Variants in VEPH1 observed in about 807,000 individuals in gnomAD.
VEPH1 encodes the protein ventricular zone-expressed PH domain-containing protein homolog 1.
VEPH1 carries 80 observed loss-of-function variants against 85.2 expected under a neutral mutation model. The observed-to-expected ratio is 0.94, with a 90% CI of 0.78 to 1.13. The LOEUF (loss-of-function observed/expected upper bound fraction) is 1.13. Ranked by LOEUF, VEPH1 falls within the 50% of genes most tolerant of loss-of-function variation. The pLI is 0.00. For synonymous variants in VEPH1, 297 were observed against 348.0 expected, an observed-to-expected ratio of 0.85 and a Z score of 1.63; for missense variants, 955 against 980.5, an observed-to-expected ratio of 0.97 and a Z score of 0.35.
chr3:157,291,511 A>G (rs984352565), intron 11 of VEPH1, among the ~76,000 whole-genome samples: 6 of 152,246 alleles, frequency 3.9e-5, no homozygotes, highest in Non-Finnish European at 5.9e-5. Context: ...CACAGTATTC[A>G]TAGCACCTGG....
At chr3:157,490,399 A>T (rs985322694) in intron 2 of VEPH1, among the ~76,000 whole-genome samples, 1 of 151,976 alleles carries the variant, frequency 6.6e-6, no homozygotes, top group Non-Finnish European at 1.5e-5. Flanking sequence ...TAAAAATAAG[A>T]TTTTAAGACT....
At chr3:157,434,028 C>T (rs1733366283) in intron 4 of VEPH1, among the ~76,000 whole-genome samples, 1 of 151,974 alleles carries the variant, frequency 6.6e-6, no homozygotes, top group Admixed American at 6.6e-5. Flanking sequence ...ATAATTCTGT[C>T]AACCTTTGGT....
chr3:157,295,452 AG>A (rs1480166724), intron 11 of VEPH1, among the ~76,000 whole-genome samples: 28 of 152,000 alleles, frequency 1.8e-4, no homozygotes, highest in African/African-American at 6.5e-4. Flanking sequence ...AAAAAAAAAA[AG>A]AATTATCATT....
chr3:157,342,108 C>A (rs1723635690), intron 9 of VEPH1, among the ~76,000 whole-genome samples: 1 of 152,206 alleles, frequency 6.6e-6, no homozygotes, highest in African/African-American at 2.4e-5. Flanking sequence ...TAGGAAGAAA[C>A]TGCATCAACT....
intron 4 of VEPH1, among the ~76,000 whole-genome samples, chr3:157,429,974 A>G (rs1438494871): frequency 1.3e-5 from 2 of 152,238 alleles, no homozygotes; most frequent in Non-Finnish European, 2.9e-5. Context: ...TTGAATTTCA[A>G]TCAAATAATA....
At chr3:157,420,363 A>T (rs868826918) in intron 5 of VEPH1, among the ~76,000 whole-genome samples, 1 of 152,166 alleles carries the variant, frequency 6.6e-6, no homozygotes, top group Non-Finnish European at 1.5e-5. Flanking sequence ...AAGAGCAATT[A>T]TGTACACACA....
chr3:157,366,918 T>A (rs1577460330), intron 7 of VEPH1, among the ~76,000 whole-genome samples: 1 of 152,050 alleles, frequency 6.6e-6, no homozygotes, highest in South Asian at 2.1e-4. Context: ...GATAGTGAAG[T>A]TTTTCTGGCT....
intron 1 of VEPH1, among the ~76,000 whole-genome samples, chr3:157,496,832 A>G (rs891440625): frequency 2.6e-5 from 4 of 152,254 alleles, no homozygotes; most frequent in Admixed American, 6.5e-5. Flanking sequence ...GGTACAATTC[A>G]TGAGTCATAG....
intron 9 of VEPH1, among the ~76,000 whole-genome samples, chr3:157,337,971 C>G (rs533620820): frequency 6.6e-6 from 1 of 152,006 alleles, no homozygotes; most frequent in African/African-American, 2.4e-5. Context: ...ATAGCACCTC[C>G]CCAGAATAGT....
At chr3:157,353,541 C>T (rs1725106515) in intron 9 of VEPH1, among the ~76,000 whole-genome samples, 1 of 152,102 alleles carries the variant, frequency 6.6e-6, no homozygotes, top group Non-Finnish European at 1.5e-5. Flanking sequence ...GTTGGGATTA[C>T]AGATGTGAGC....
At chr3:157,294,043 G>A (rs1244764267) in intron 11 of VEPH1, among the ~76,000 whole-genome samples, 2 of 151,986 alleles carry the variant, frequency 1.3e-5, no homozygotes, top group African/African-American at 4.8e-5. Flanking sequence ...ATTGATTACT[G>A]CCACCTACAT....
intron 11 of VEPH1, among the ~76,000 whole-genome samples, chr3:157,299,602 A>ATAT (rs1367614418): frequency 4.6e-5 from 7 of 151,488 alleles, no homozygotes; most frequent in Admixed American, 6.6e-5. Flanking sequence ...AGAAACCTTT[A>ATAT]TCATGACTGA....
chr3:157,469,650 C>T (rs1736729047), intron 3 of VEPH1, among the ~76,000 whole-genome samples: 1 of 152,172 alleles, frequency 6.6e-6, no homozygotes, highest in Non-Finnish European at 1.5e-5. Flanking sequence ...TTCTGAGAAA[C>T]ACCTATCAAC....
chr3:157,289,113 A>T (rs537662375), intron 11 of VEPH1, among the ~76,000 whole-genome samples: 1 of 152,260 alleles, frequency 6.6e-6, no homozygotes, highest in East Asian at 1.9e-4. Context: ...GCAGATGTTC[A>T]TAAGTATCAG....
At chr3:157,410,925 C>A (rs1731485161) in intron 6 of VEPH1, among the ~76,000 whole-genome samples, 1 of 152,154 alleles carries the variant, frequency 6.6e-6, no homozygotes, top group Non-Finnish European at 1.5e-5. Flanking sequence ...TTCTTTCTAC[C>A]TTTGTCCCCT....
chr3:157,372,126 A>C (rs908126600), intron 7 of VEPH1, among the ~76,000 whole-genome samples: 6 of 152,234 alleles, frequency 3.9e-5, no homozygotes, highest in Admixed American at 3.3e-4. Context: ...GGGTCTGGCC[A>C]TGAGGATTAA....
chr3:157,341,806 A>G lies in VEPH1; in HGVS notation c.1735+21558T>C, dbSNP rs376221505. 5.3e-5 allele frequency among the ~76,000 whole-genome samples: 8 copies of G among 152,208 alleles called. No individual in the cohort carries two copies. The East Asian group carries it at 1.3e-3, about 26-fold the overall frequency. ...TCGGGTTACCCACAAAGGGAAGCCCATCAGACTAACAGCTGATCTCTCGGC... is the reference window on the plus strand; with the variant it reads ...TCGGGTTACCCACAAAGGGAAGCCCGTCAGACTAACAGCTGATCTCTCGGC... On this transcript the variant is annotated intron_variant, in intron 9 of 13. Coordinates refer to ENST00000362010, the MANE Select transcript of VEPH1 (RefSeq NM_001167912.2).
At chr3:157,448,604 G>A (rs1015906598) in intron 4 of VEPH1, among the ~76,000 whole-genome samples, 1 of 152,170 alleles carries the variant, frequency 6.6e-6, no homozygotes, top group Non-Finnish European at 1.5e-5. Context: ...GCTGCACTAA[G>A]CATTGGTTGT....
At chr3:157,440,180 T>G (rs977254437) in intron 4 of VEPH1, among the ~76,000 whole-genome samples, 3 of 152,228 alleles carry the variant, frequency 2.0e-5, no homozygotes, top group African/African-American at 7.2e-5. Context: ...ATAGAATCAC[T>G]GCCTCATTAA....
Sources: allele counts gnomAD v4.1 joint callset (sites outside exome capture counted in the v4.1 genomes callset), GRCh38; gene constraint gnomAD v4.1.1; transcripts MANE v1.5; gene names NCBI Gene and HGNC (gene_info 2026-07-23, HGNC 2026-07-21).